CTNNA2: variants seen among roughly 807,000 people sequenced by gnomAD.
The protein encoded by CTNNA2 is catenin alpha-2.
In CTNNA2, 42 loss-of-function variants were observed where a neutral mutation model predicts 101.0. That is an observed-to-expected ratio of 0.42 (90% CI 0.32 to 0.54). The LOEUF (loss-of-function observed/expected upper bound fraction) is 0.54. Ranked by LOEUF, CTNNA2 falls within the 20% of genes least tolerant of loss-of-function variation. CTNNA2 has a pLI of 0.14. For synonymous variants in CTNNA2, 450 were observed against 456.4 expected (o/e 0.99, Z 0.18); for missense variants, 871 against 1,223.1 (o/e 0.71, Z 4.29).
intron 4 of CTNNA2, among the ~76,000 whole-genome samples, chr2:79,504,586 G>A (rs747319740): frequency 2.6e-5 from 4 of 152,202 alleles, no homozygotes; most frequent in South Asian, 2.1e-4. Context: ...CACCGCACCC[G>A]ACCTACAATT....
intron 1 of CTNNA2, among the ~76,000 whole-genome samples, chr2:79,595,180 C>CACTT (rs1475149756): frequency 6.6e-6 from 1 of 152,212 alleles, no homozygotes; most frequent in African/African-American, 2.4e-5. Flanking sequence ...CCCGGTTCTG[C>CACTT]ACTTGTCTCT....
At chr2:80,003,721 G>T (rs1693126342) in intron 7 of CTNNA2, among the ~76,000 whole-genome samples, 1 of 152,110 alleles carries the variant, frequency 6.6e-6, no homozygotes, top group Non-Finnish European at 1.5e-5. Flanking sequence ...TGCCCACGCT[G>T]GTTGGTCAAG....
chr2:80,350,381 C>T (rs893989260), intron 7 of CTNNA2, among the ~76,000 whole-genome samples: 14 of 152,166 alleles, frequency 9.2e-5, no homozygotes, highest in Admixed American at 6.5e-4. Context: ...ACTGTGCCAT[C>T]ATTTAGATAG....
chr2:80,377,012 C>T lies in CTNNA2; in HGVS notation c.1057-16199C>T, dbSNP rs17019117. On this transcript the variant is annotated intron_variant, in intron 7 of 18. Coordinates refer to ENST00000402739, the MANE Select transcript of CTNNA2 (RefSeq NM_001282597.3). The stretch of plus-strand genomic sequence containing the variant: ...CATCTTTCCCCAGTAGAAGCTACCA[C>T]GGTTGTCAGAGCTTGAATTCCTCAT... Among the ~76,000 whole-genome samples, 699 of 152,266 alleles carry T rather than the reference C, an allele frequency of 4.6e-3. 6 individuals carry two copies. Among genetic ancestry groups the T allele is most frequent in the African/African-American group, 0.016 (667 of 41,554 alleles).
At chr2:80,228,149 C>T (rs940280241) in intron 7 of CTNNA2, among the ~76,000 whole-genome samples, 5 of 152,138 alleles carry the variant, frequency 3.3e-5, no homozygotes, top group African/African-American at 9.7e-5. Flanking sequence ...ATTTTGTTGT[C>T]AGTAAGACTG....
intron 17 of CTNNA2, among the ~76,000 whole-genome samples, chr2:80,611,283 T>C (rs1698448955): frequency 6.8e-6 from 1 of 147,256 alleles, no homozygotes; most frequent in South Asian, 2.1e-4. Flanking sequence ...AGAAAAAGAA[T>C]ATTGAAAGCA....
intron 18 of CTNNA2, among the ~76,000 whole-genome samples, chr2:80,643,792 C>A (rs553688036): frequency 6.6e-6 from 1 of 152,192 alleles, no homozygotes; most frequent in East Asian, 1.9e-4. Context: ...TTTCCAGTGT[C>A]TATTTATTTC....
chr2:79,193,168 T>C (rs981151965), intron 1 of CTNNA2, among the ~76,000 whole-genome samples: 3 of 152,164 alleles, frequency 2.0e-5, no homozygotes, highest in African/African-American at 7.2e-5. Context: ...TATCCACATG[T>C]ATGATATTTT....
intron 7 of CTNNA2, among the ~76,000 whole-genome samples, chr2:80,150,445 T>C (rs915910127): frequency 6.6e-6 from 1 of 152,130 alleles, no homozygotes; most frequent in Admixed American, 6.6e-5. Flanking sequence ...CAAAAAGTGA[T>C]GGAAACTGAG....
At chr2:80,559,868 G>GACATC (rs1558586867) in intron 12 of CTNNA2, among the ~76,000 whole-genome samples, 12 of 114,146 alleles carry the variant, frequency 1.1e-4, no homozygotes, top group African/African-American at 4.1e-4. Flanking sequence ...CACATTCAGC[G>GACATC]ATATCATATT....
At chr2:80,620,285 G>T (rs899551097) in intron 18 of CTNNA2, among the ~76,000 whole-genome samples, 3 of 151,126 alleles carry the variant, frequency 2.0e-5, no homozygotes, top group Non-Finnish European at 4.4e-5. Context: ...TCCCTGGTTG[G>T]CTAGCCATGA....
At chr2:79,706,047 G>A (rs1453382921) in intron 2 of CTNNA2, among the ~76,000 whole-genome samples, 1 of 152,038 alleles carries the variant, frequency 6.6e-6, no homozygotes, top group Non-Finnish European at 1.5e-5. Context: ...AGAGCCGAAG[G>A]CCTTCGTGTG....
chr2:79,420,579 A>G (rs998892014), intron 4 of CTNNA2, among the ~76,000 whole-genome samples: 2 of 152,154 alleles, frequency 1.3e-5, no homozygotes, highest in African/African-American at 4.8e-5. Flanking sequence ...AAATAAGTTT[A>G]TGTCTTGATT....
At chr2:80,233,576 A>T (rs1342315410) in intron 7 of CTNNA2, among the ~76,000 whole-genome samples, 1 of 152,188 alleles carries the variant, frequency 6.6e-6, no homozygotes, top group East Asian at 1.9e-4. Context: ...CCACTCAGCC[A>T]TTATCTGTGA....
intron 3 of CTNNA2, among the ~76,000 whole-genome samples, chr2:79,822,454 G>A (rs573912404): frequency 6.6e-6 from 1 of 152,212 alleles, no homozygotes; most frequent in Non-Finnish European, 1.5e-5. Flanking sequence ...ATAGCACTGT[G>A]TCAACATCCT....
chr2:80,334,361 C>T (rs551236860), intron 7 of CTNNA2, among the ~76,000 whole-genome samples: 19 of 152,318 alleles, frequency 1.2e-4, no homozygotes, highest in African/African-American at 4.3e-4. Flanking sequence ...GAACAATCAG[C>T]TTTTGAGACC....
At chr2:80,079,102 G>A (rs180839870) in intron 7 of CTNNA2, among the ~76,000 whole-genome samples, 7 of 152,242 alleles carry the variant, frequency 4.6e-5, no homozygotes, top group Non-Finnish European at 1.5e-5. Flanking sequence ...GTGAGATGCT[G>A]GTGAATTTGC....
chr2:79,756,816 G>A lies in CTNNA2; in HGVS notation c.298+12234G>A, dbSNP rs183500025. Among the ~76,000 whole-genome samples the A allele has an allele frequency of 2.5e-3, 374 of 152,250 alleles. 2 individuals are homozygous for A. Among genetic ancestry groups the A allele is most frequent in the African/African-American group, 8.4e-3 (350 of 41,558 alleles). On this transcript the variant is annotated intron_variant, in intron 3 of 18. Coordinates refer to ENST00000402739, the MANE Select transcript of CTNNA2 (RefSeq NM_001282597.3). ...TGCAGATGGCAAATAAGCATAAGAA[G>A]CAATGTTCACCATCATTTGTGATTG...
At chr2:80,570,502 TC>T (rs1694489250) in intron 12 of CTNNA2, among the ~76,000 whole-genome samples, 1 of 152,166 alleles carries the variant, frequency 6.6e-6, no homozygotes, top group Non-Finnish European at 1.5e-5. Flanking sequence ...AGAAAGAGTT[TC>T]TTAGGGGTCA....
Sources: gnomAD v4.1 joint callset for allele counts (sites outside exome capture counted in the v4.1 genomes callset) on GRCh38, gnomAD v4.1.1 for gene constraint, MANE v1.5 for transcripts, NCBI Gene and HGNC (gene_info 2026-07-23, HGNC 2026-07-21) for gene names.